The following GALK2 variants were observed in gnomAD, a reference collection of about 807,000 sequenced individuals.
The protein encoded by GALK2 is galactokinase 2.
In GALK2, 36 loss-of-function variants were observed where a neutral mutation model predicts 52.4. The observed-to-expected ratio is 0.69, with a 90% CI of 0.53 to 0.91. GALK2 has a LOEUF of 0.91. Ranked by LOEUF, GALK2 falls within the 40% of genes least tolerant of loss-of-function variation. The pLI is 0.00. For missense variants in GALK2, 579 were observed against 559.1 expected, an observed-to-expected ratio of 1.04 and a Z score of -0.36; for synonymous variants, 176 against 199.1, an observed-to-expected ratio of 0.88 and a Z score of 0.98.
chr15:49,335,088 T>C (rs935155149), downstream of GALK2, among the ~76,000 whole-genome samples: 7 of 152,158 alleles, frequency 4.6e-5, no homozygotes, highest in African/African-American at 1.7e-4. Flanking sequence ...CTGCAGGGAA[T>C]TTTTCTGCTA....
At chr15:49,268,263 CAG>C (rs1453168064) in intron 5 of GALK2, among the ~76,000 whole-genome samples, 3 of 152,064 alleles carry the variant, frequency 2.0e-5, no homozygotes. Flanking sequence ...ATGAAGGAAA[CAG>C]ATTATGAGAG....
Position 49,319,595 on chromosome 15 carries a change from C to A in GALK2, c.968-9C>A. 6.2e-7 allele frequency: 1 copy of A among 1,613,758 alleles called. No individual in the cohort carries two copies. ...CCTAACCTCCTTCCCCATCCTCTTC[C>A]TTCCTCAGTGCTCATCTTCAAACTC... On this transcript the variant is annotated splice_polypyrimidine_tract_variant and intron_variant, in intron 8 of 9. Transcript: ENST00000560031.
At chr15:49,228,272 C>G (rs1201066530) in intron 3 of GALK2, among the ~76,000 whole-genome samples, 2 of 152,030 alleles carry the variant, frequency 1.3e-5, no homozygotes, top group African/African-American at 4.8e-5. Context: ...TGTTACTGGA[C>G]TGGGGAAGTT....
intron 9 of GALK2, among the ~76,000 whole-genome samples, chr15:49,324,360 T>C (rs1330902370): frequency 7.6e-6 from 1 of 132,118 alleles, no homozygotes; most frequent in Non-Finnish European, 1.5e-5. Flanking sequence ...TGTTGCATGC[T>C]CTTTCCCCAT....
intron 1 of GALK2, among the ~76,000 whole-genome samples, chr15:49,179,258 C>A (rs912861771): frequency 3.3e-5 from 5 of 152,096 alleles, no homozygotes; most frequent in African/African-American, 1.2e-4. Context: ...CTCAAACAAA[C>A]CTTTGCAGTG....
At chr15:49,217,156 A>G in intron 2 of GALK2, 34 bp from the exon 3 acceptor site, 4 of 1,581,446 alleles carry the variant, frequency 2.5e-6, no homozygotes, top group Non-Finnish European at 3.5e-6. Context: ...TTTATATATT[A>G]GCAATGATTA....
intron 5 of GALK2, among the ~76,000 whole-genome samples, chr15:49,249,396 G>A (rs1430607528): frequency 6.6e-6 from 1 of 152,160 alleles, no homozygotes; most frequent in East Asian, 1.9e-4. Flanking sequence ...CTATGCCTCA[G>A]TTTCTGTTTC....
chr15:49,318,176 C>T (rs2036576182), intron 8 of GALK2: 1 of 152,130 alleles, frequency 6.6e-6, no homozygotes, highest in Non-Finnish European at 1.5e-5. Context: ...AGCAACTGTT[C>T]AGCATGGGTG....
chr15:49,267,004 A>C (rs1226478434), intron 5 of GALK2, among the ~76,000 whole-genome samples: 1 of 152,202 alleles, frequency 6.6e-6, no homozygotes, highest in Non-Finnish European at 1.5e-5. Flanking sequence ...ATGATGAACT[A>C]AAAACCAGTA....
intron 5 of GALK2, among the ~76,000 whole-genome samples, chr15:49,257,931 CATTTT>C (rs1018619645): frequency 2.2e-4 from 32 of 148,440 alleles, no homozygotes; most frequent in African/African-American, 7.6e-4. Context: ...AATAAAATAA[CATTTT>C]ATTTAATTTT....
chr15:49,200,857 C>A (rs903748970), intron 1 of GALK2, among the ~76,000 whole-genome samples: 5 of 152,122 alleles, frequency 3.3e-5, no homozygotes, highest in African/African-American at 1.2e-4. Context: ...AAACTACATT[C>A]TTCAAAAGGG....
chr15:49,328,680 GA>G lies in GALK2; in HGVS notation c.*525del. On this transcript the variant is annotated 3_prime_UTR_variant, in exon 10 of 10. Transcript: ENST00000560031. ...CTCAATTTCAGCTTCGGAACGCTAT[GA>G]AAATAATACATGATTAAAGTTTCAC... 6.4e-7 allele frequency: 1 copy of G among 1,553,026 alleles called. No homozygotes were observed. The highest frequency in any genetic ancestry group is 1.2e-5 in the South Asian group (1 of 84,340).
At chr15:49,276,904 GT>G (rs34440691) in intron 5 of GALK2, among the ~76,000 whole-genome samples, 33,049 of 77,964 alleles carry the variant, frequency 0.42, 5,078 homozygotes, top group South Asian at 0.47. Context: ...AGAATCTGAG[GT>G]TTTTTTTTTT....
intron 8 of GALK2, among the ~76,000 whole-genome samples, chr15:49,297,371 C>T (rs1038581024): frequency 6.6e-6 from 1 of 152,026 alleles, no homozygotes; most frequent in African/African-American, 2.4e-5. Flanking sequence ...TTTATCCTAT[C>T]TCTGTAGGTT....
In GALK2 at chr15:49,331,168, T is replaced by A. The variant is rs2038658251; in HGVS notation, c.*3009T>A. The A allele has an allele frequency of 6.6e-6, 1 of 152,218 alleles. No homozygotes were observed. 9.4% of individuals were successfully genotyped at this position (152,218 alleles called of 1,614,324 possible). ...CCTTGACATGCTGAAAGTAAAAGGC[T>A]CTCCTCTATCCCTGACCTCCAATTG... is the stretch of plus-strand genomic sequence containing the variant. On this transcript the variant is annotated 3_prime_UTR_variant, in exon 10 of 10. Transcript: ENST00000560031.
chr15:49,314,301 C>T (rs1346673711), intron 8 of GALK2, among the ~76,000 whole-genome samples: 2 of 152,142 alleles, frequency 1.3e-5, no homozygotes, highest in Non-Finnish European at 2.9e-5. Context: ...TTTTAGAAAT[C>T]TCTTTTCTCT....
chr15:49,331,802 A>G lies in GALK2; in HGVS notation c.*3643A>G, dbSNP rs927522531. ...TACCAGTTTATGTAGGAACTTCTCAAAGTCCTGTTTCACTTCATGAGGTTT... is the reference window on the plus strand; with the variant it reads ...TACCAGTTTATGTAGGAACTTCTCAGAGTCCTGTTTCACTTCATGAGGTTT... On this transcript the variant is annotated 3_prime_UTR_variant, in exon 10 of 10. Transcript: ENST00000560031. 2 of 1,610,180 alleles carry G rather than the reference A, an allele frequency of 1.2e-6. No homozygotes were observed. Among genetic ancestry groups the G allele is most frequent in the Non-Finnish European group, 1.7e-6 (2 of 1,176,600 alleles).
chr15:49,315,992 G>A (rs767435297), intron 8 of GALK2, among the ~76,000 whole-genome samples: 16 of 152,162 alleles, frequency 1.1e-4, no homozygotes, highest in Non-Finnish European at 1.9e-4. Context: ...AAACCAAAGT[G>A]TACTCTCCCT....
chr15:49,170,345 C>T lies in GALK2; in HGVS notation c.23C>T (p.Thr8Met), dbSNP rs1284807933. Residue 8 changes from threonine to methionine, a missense_variant, in exon 1 of 10, where the codon ACG becomes ATG. Coordinates refer to ENST00000560031, the MANE Select transcript of GALK2 (RefSeq NM_002044.4). MATESPA[T>M]RRVQVAEHPR... Reference sequence around the variant, plus strand: ...AATATGGCTACAGAGAGCCCTGCTACGCGTCGGGTCCAGGTGGCAGAACAT... The same window carrying T: ...AATATGGCTACAGAGAGCCCTGCTATGCGTCGGGTCCAGGTGGCAGAACAT... The T allele has an allele frequency of 8.2e-6, 13 of 1,592,098 alleles. 1 individual carries two copies. Among genetic ancestry groups the T allele is most frequent in the African/African-American group, 5.4e-5 (4 of 74,604 alleles).
Sources: gnomAD v4.1 joint callset for allele counts (sites outside exome capture counted in the v4.1 genomes callset) on GRCh38, gnomAD v4.1.1 for gene constraint, MANE v1.5 for transcripts, NCBI Gene and HGNC (gene_info 2026-07-23, HGNC 2026-07-21) for gene names.